DLGAP1: variants seen among roughly 807,000 people sequenced by gnomAD.
The protein encoded by DLGAP1 is DLG associated protein 1.
Under a neutral mutation model 90.8 loss-of-function variants are expected in DLGAP1, and 11 were observed. That is an observed-to-expected ratio of 0.12 (90% CI 0.08 to 0.20). The LOEUF (loss-of-function observed/expected upper bound fraction) is 0.20. DLGAP1 is among the 10% of genes least tolerant of loss of function. The pLI is 1.00. For missense variants in DLGAP1, 1,050 were observed against 1,333.8 expected (o/e 0.79, Z 3.31); for synonymous variants, 558 against 540.7 (o/e 1.03, Z -0.44).
chr18:4,115,787 T>G (rs1370366546), intron 2 of DLGAP1, among the ~76,000 whole-genome samples: 3 of 152,234 alleles, frequency 2.0e-5, no homozygotes, highest in Admixed American at 2.0e-4. Flanking sequence ...TTTCTTACTG[T>G]GATATAGTTT....
At chr18:3,599,375 CTTGAAT>C in intron 7 of DLGAP1, among the ~76,000 whole-genome samples, 1 of 152,178 alleles carries the variant, frequency 6.6e-6, no homozygotes, top group African/African-American at 2.4e-5. Flanking sequence ...TAATGGAGTA[CTTGAAT>C]TTGTCTGCAG....
chr18:4,401,449 T>TG (rs1555612696), intron 1 of DLGAP1, among the ~76,000 whole-genome samples: 3 of 152,156 alleles, frequency 2.0e-5, no homozygotes, highest in Non-Finnish European at 2.9e-5. Flanking sequence ...CATGAGAAAG[T>TG]ATTTTTTTTC....
chr18:3,928,769 G>A (rs144682105), intron 3 of DLGAP1, among the ~76,000 whole-genome samples: 1 of 152,104 alleles, frequency 6.6e-6, no homozygotes, highest in Admixed American at 6.6e-5. Context: ...CCACTATGCC[G>A]AATTCATATG....
chr18:3,948,928 T>A (rs2072927762), intron 3 of DLGAP1, among the ~76,000 whole-genome samples: 1 of 151,868 alleles, frequency 6.6e-6, no homozygotes, highest in Non-Finnish European at 1.5e-5. Flanking sequence ...AAATAAAAAA[T>A]TTTAAAAAAA....
chr18:3,920,246 G>A lies in DLGAP1; in HGVS notation c.-72-40106C>T, dbSNP rs1207977268. ...TAGTCCTAGCTACTCAGGAGGCTGA[G>A]GCACGAGAATCGCTTGAACCTGGGA... On this transcript the variant is annotated intron_variant, in intron 3 of 12. Transcript: ENST00000315677. Among the ~76,000 whole-genome samples the A allele has an allele frequency of 5.9e-5, 9 of 151,662 alleles. 1 individual carries two copies. The highest frequency in any genetic ancestry group is 4.6e-4 in the Admixed American group (7 of 15,222).
intron 1 of DLGAP1, among the ~76,000 whole-genome samples, chr18:4,440,439 C>A (rs928590167): frequency 2.0e-5 from 3 of 151,992 alleles, no homozygotes; most frequent in Non-Finnish European, 4.4e-5. Context: ...GTGGTTAAAC[C>A]TTTGGCCATC....
At chr18:4,251,484 T>G (rs1041342538) in intron 1 of DLGAP1, among the ~76,000 whole-genome samples, 4 of 152,192 alleles carry the variant, frequency 2.6e-5, no homozygotes, top group Non-Finnish European at 5.9e-5. Flanking sequence ...ACAATCTCCT[T>G]GGAGAGTTAT....
intron 3 of DLGAP1, among the ~76,000 whole-genome samples, chr18:3,989,310 G>C (rs1483939918): frequency 2.6e-5 from 4 of 152,198 alleles, no homozygotes; most frequent in African/African-American, 9.7e-5. Context: ...TTAATAAAGT[G>C]GCAAAGCACA....
intron 1 of DLGAP1, among the ~76,000 whole-genome samples, chr18:4,359,134 G>A (rs1014475995): frequency 6.6e-6 from 1 of 152,190 alleles, no homozygotes; most frequent in Non-Finnish European, 1.5e-5. Flanking sequence ...TACAGACAGA[G>A]GGAAATGAAA....
At chr18:3,939,040 AC>A (rs1344370635) in intron 3 of DLGAP1, among the ~76,000 whole-genome samples, 1 of 152,196 alleles carries the variant, frequency 6.6e-6, no homozygotes, top group Non-Finnish European at 1.5e-5. Context: ...AAGGGAATAG[AC>A]AGGGAAGAGG....
Position 3,582,097 on chromosome 18 carries a change from GATA to G in DLGAP1, c.1740_1742del (p.Ile581del), listed in dbSNP as rs2055557384. Reference sequence around the variant, plus strand: ...TGGAGTTGCTGAGTCCAGACTGGCTGATAATATCTCCTCGCTGGCCCTGTCCGT... The same window carrying G: ...TGGAGTTGCTGAGTCCAGACTGGCTGATATCTCCTCGCTGGCCCTGTCCGT... On this transcript the variant is annotated inframe_deletion, in exon 8 of 13. Coordinates refer to ENST00000315677, the MANE Select transcript of DLGAP1 (RefSeq NM_004746.4). The G allele has an allele frequency of 1.2e-6, 2 of 1,613,834 alleles. No individual in the cohort carries two copies. The highest frequency in any genetic ancestry group is 1.7e-5 in the Admixed American group (1 of 59,954).
intron 2 of DLGAP1, among the ~76,000 whole-genome samples, chr18:4,112,284 A>G (rs2075988319): frequency 6.6e-6 from 1 of 152,080 alleles, no homozygotes; most frequent in Non-Finnish European, 1.5e-5. Context: ...AAGAAAAAAT[A>G]ATTTTTTATT....
At chr18:4,239,283 C>T (rs971158699) in intron 1 of DLGAP1, among the ~76,000 whole-genome samples, 1 of 152,132 alleles carries the variant, frequency 6.6e-6, no homozygotes, top group Non-Finnish European at 1.5e-5. Context: ...GATCTATCTC[C>T]TAAATCCTAA....
At chr18:3,564,563 A>G (rs889781020) in intron 9 of DLGAP1, among the ~76,000 whole-genome samples, 15 of 152,198 alleles carry the variant, frequency 9.9e-5, no homozygotes, top group Non-Finnish European at 5.9e-5. Flanking sequence ...CCTTTCTGGA[A>G]GCACAAGGAG....
chr18:3,782,706 A>C (rs1169479062), intron 5 of DLGAP1, among the ~76,000 whole-genome samples: 5 of 152,258 alleles, frequency 3.3e-5, no homozygotes, highest in African/African-American at 1.2e-4. Context: ...GTTCTTTTAA[A>C]TAAGAACGTG....
At position 3,693,200 on chromosome 18, in the gene DLGAP1, A is replaced by G. The variant is rs760668702; in HGVS notation, c.1591+35935T>C. Among the ~76,000 whole-genome samples the G allele has an allele frequency of 8.0e-4, 122 of 152,120 alleles. 4 individuals carry two copies. The highest frequency in any genetic ancestry group is 6.3e-3 in the Middle Eastern group (2 of 316). On this transcript the variant is annotated intron_variant, in intron 7 of 12. Transcript: ENST00000315677. ...TGGGCTCCAGCGATCCTCCTGCCTC[A>G]GCGTCTTGAATAGCTGGGACTTCAG...
At chr18:3,986,907 C>T (rs1434147564) in intron 3 of DLGAP1, among the ~76,000 whole-genome samples, 1 of 152,152 alleles carries the variant, frequency 6.6e-6, no homozygotes. Context: ...TGGTGACACC[C>T]TGCCTCCCAC....
At chr18:3,533,580 A>G (rs907970878) in intron 10 of DLGAP1, among the ~76,000 whole-genome samples, 8 of 152,010 alleles carry the variant, frequency 5.3e-5, no homozygotes, top group African/African-American at 1.9e-4. Flanking sequence ...TATTATTTAT[A>G]TATTTATTTT....
At chr18:3,635,219 C>T (rs1050317853) in intron 7 of DLGAP1, among the ~76,000 whole-genome samples, 7 of 151,712 alleles carry the variant, frequency 4.6e-5, no homozygotes, top group Non-Finnish European at 8.8e-5. Flanking sequence ...CAAGCTCCGC[C>T]TCCCGGGTTC....
Sources: gnomAD v4.1 joint callset for allele counts (sites outside exome capture counted in the v4.1 genomes callset) on GRCh38, gnomAD v4.1.1 for gene constraint, MANE v1.5 for transcripts, NCBI Gene and HGNC (gene_info 2026-07-23, HGNC 2026-07-21) for gene names.